RNF220: variants seen among roughly 807,000 people sequenced by gnomAD.
The protein encoded by RNF220 is E3 ubiquitin-protein ligase RNF220.
A neutral mutation model predicts 67.1 loss-of-function variants in RNF220; 7 were observed. That is an observed-to-expected ratio of 0.10 (90% CI 0.06 to 0.20). RNF220 has a LOEUF of 0.20. Among genes scored for constraint, RNF220 ranks in the 10% least tolerant of loss-of-function variants. The pLI, the probability that RNF220 is intolerant of heterozygous loss-of-function variation, is 1.00. For missense variants in RNF220, 565 were observed against 740.3 expected (o/e 0.76, Z 2.75); for synonymous variants, 270 against 283.2 (o/e 0.95, Z 0.47).
At chr1:44,585,380 AC>A (rs1665621746) in intron 2 of RNF220, among the ~76,000 whole-genome samples, 1 of 152,144 alleles carries the variant, frequency 6.6e-6, no homozygotes, top group Non-Finnish European at 1.5e-5. Flanking sequence ...GCTTCCTAAG[AC>A]AACGGCAATC....
intron 2 of RNF220, among the ~76,000 whole-genome samples, chr1:44,439,449 A>G (rs985022970): frequency 1.3e-5 from 2 of 151,114 alleles, no homozygotes; most frequent in African/African-American, 4.9e-5. Flanking sequence ...TTAATCTATA[A>G]TATTTGTTGC....
chr1:44,534,866 A>G (rs1661081422), intron 2 of RNF220, among the ~76,000 whole-genome samples: 1 of 152,224 alleles, frequency 6.6e-6, no homozygotes, highest in Non-Finnish European at 1.5e-5. Context: ...ACATTTAAAG[A>G]TTGGAGAGAA....
intron 2 of RNF220, among the ~76,000 whole-genome samples, chr1:44,601,699 G>A (rs901007413): frequency 3.9e-5 from 6 of 152,172 alleles, no homozygotes; most frequent in African/African-American, 9.7e-5. Flanking sequence ...GAGGGGGACA[G>A]GAGATGGCGA....
At chr1:44,492,673 T>C (rs781583296) in intron 2 of RNF220, among the ~76,000 whole-genome samples, 10 of 152,132 alleles carry the variant, frequency 6.6e-5, no homozygotes, top group South Asian at 2.1e-4. Context: ...CAAAAGGCCA[T>C]GTATTATATG....
intron 2 of RNF220, among the ~76,000 whole-genome samples, chr1:44,509,071 C>A (rs1374491630): frequency 2.0e-5 from 3 of 152,186 alleles, no homozygotes; most frequent in Non-Finnish European, 1.5e-5. Context: ...AGTAGGGTTT[C>A]TTAATGAAAT....
intron 2 of RNF220, among the ~76,000 whole-genome samples, chr1:44,483,393 C>T (rs1035805112): frequency 1.3e-5 from 2 of 152,168 alleles, no homozygotes; most frequent in Non-Finnish European, 2.9e-5. Flanking sequence ...TATGTCCAGG[C>T]TCACAGCACT....
intron 2 of RNF220, among the ~76,000 whole-genome samples, chr1:44,439,944 G>GA (rs1385958797): frequency 6.6e-6 from 1 of 151,716 alleles, no homozygotes; most frequent in African/African-American, 2.4e-5. Context: ...GAACAAAAGG[G>GA]AAACCTAACT....
At chr1:44,634,338 G>A (rs1644261562) in intron 6 of RNF220, among the ~76,000 whole-genome samples, 1 of 152,258 alleles carries the variant, frequency 6.6e-6, no homozygotes, top group African/African-American at 2.4e-5. Context: ...TTCTTCATCT[G>A]TTAAAATGGG....
At chr1:44,632,292 C>G in intron 5 of RNF220, 51 bp from the exon 6 acceptor site, 1 of 1,613,902 alleles carries the variant, frequency 6.2e-7, no homozygotes, top group African/African-American at 1.3e-5. Context: ...CTGCAGGCCG[C>G]GCCTGACGCT....
chr1:44,554,408 C>A (rs270770), intron 2 of RNF220, among the ~76,000 whole-genome samples: 275 of 152,084 alleles, frequency 1.8e-3, no homozygotes, highest in African/African-American at 6.0e-3. Context: ...TGTCTTACTC[C>A]CCTAGCCTAG....
intron 1 of RNF220, chr1:44,408,650 ATTATT>A (rs1188092756): frequency 6.6e-6 from 1 of 152,148 alleles, no homozygotes; most frequent in African/African-American, 2.4e-5. Flanking sequence ...AATTTGTTCT[ATTATT>A]TTAATTCCTG....
intron 2 of RNF220, among the ~76,000 whole-genome samples, chr1:44,481,831 G>T (rs538458303): frequency 6.6e-6 from 1 of 152,288 alleles, no homozygotes; most frequent in Admixed American, 6.5e-5. Flanking sequence ...AAGACTGACA[G>T]TCAAGAAACA....
At chr1:44,420,074 A>G (rs566729568) in intron 2 of RNF220, among the ~76,000 whole-genome samples, 132 of 152,288 alleles carry the variant, frequency 8.7e-4, no homozygotes, top group African/African-American at 2.9e-3. Context: ...GGTTTTGTAG[A>G]CACATGTAAC....
Position 44,606,318 on chromosome 1 carries a change from T to C in RNF220, c.626-7847T>C, listed in dbSNP as rs1418314483. Among the ~76,000 whole-genome samples the C allele has an allele frequency of 6.6e-6, 1 of 152,258 alleles. No individual in the cohort carries two copies. The highest frequency in any genetic ancestry group is 1.5e-5 in the Non-Finnish European group (1 of 68,046). Reference sequence around the variant, plus strand: ...TTGACTGAAGGTAAAAAATGCCATCTGTCAGCATGTTAACTCTTGCTGTCC... The same window carrying C: ...TTGACTGAAGGTAAAAAATGCCATCCGTCAGCATGTTAACTCTTGCTGTCC... On this transcript the variant is annotated intron_variant, in intron 2 of 14. Coordinates refer to ENST00000361799, the MANE Select transcript of RNF220 (RefSeq NM_018150.4). The surrounding 1 kb of genome is among the most constrained non-coding windows in gnomAD (Gnocchi z 4.2).
chr1:44,527,931 A>AG lies in RNF220; in HGVS notation c.626-86234_626-86233insG, dbSNP rs1558013554. 7.6e-5 allele frequency among the ~76,000 whole-genome samples: 11 copies of AG among 145,442 alleles called. 1 individual carries two copies. In the East Asian group the frequency reaches 2.0e-3, roughly 26 times the overall value. On this transcript the variant is annotated intron_variant, in intron 2 of 14. Coordinates refer to ENST00000361799, the MANE Select transcript of RNF220 (RefSeq NM_018150.4). ...ACAGAGCAAGACTCCATCCCAAAAA[A>AG]AAAAAAAAAAAAAAAAAAAAGTTAA...
chr1:44,644,949 T>C (rs369982770), intron 9 of RNF220, 46 bp from the exon 10 acceptor site: 112 of 1,605,710 alleles, frequency 7.0e-5, no homozygotes, highest in South Asian at 1.7e-4. Flanking sequence ...TCAACCCTCA[T>C]AGCCTGCTGC....
At chr1:44,614,033 C>G in intron 2 of RNF220, 132 bp from the exon 3 acceptor site, 41 of 1,187,750 alleles carry the variant, frequency 3.5e-5, no homozygotes, top group Non-Finnish European at 4.6e-5. Context: ...GGCTCTGAAA[C>G]CCTCAGGCCC....
intron 2 of RNF220, among the ~76,000 whole-genome samples, chr1:44,597,103 G>A (rs1033238823): frequency 2.0e-5 from 3 of 152,162 alleles, no homozygotes; most frequent in Non-Finnish European, 4.4e-5. Context: ...CTGTGCTATA[G>A]AGTGCATCCA....
chr1:44,585,424 T>C (rs1179391883), intron 2 of RNF220, among the ~76,000 whole-genome samples: 2 of 152,216 alleles, frequency 1.3e-5, no homozygotes, highest in Non-Finnish European at 2.9e-5. Flanking sequence ...TCTGGAACAG[T>C]GTCATGCCTG....
Sources: allele counts gnomAD v4.1 joint callset (sites outside exome capture counted in the v4.1 genomes callset), GRCh38; gene constraint gnomAD v4.1.1; non-coding constraint Gnocchi (gnomAD v3.1); transcripts MANE v1.5; gene names NCBI Gene and HGNC (gene_info 2026-07-23, HGNC 2026-07-21).